POLR1A: variants seen among roughly 807,000 people sequenced by gnomAD.
POLR1A encodes DNA-directed RNA polymerase I subunit RPA1.
POLR1A carries 84 observed loss-of-function variants against 205.3 expected under a neutral mutation model. That is an observed-to-expected ratio of 0.41 (90% confidence interval 0.34 to 0.49). The LOEUF (loss-of-function observed/expected upper bound fraction) is 0.49. Among genes scored for constraint, POLR1A ranks in the 20% least tolerant of loss-of-function variants. The pLI is 0.22. For synonymous variants in POLR1A, 799 were observed against 863.7 expected (o/e 0.93, Z 1.31); for missense variants, 1,645 against 2,204.5 (o/e 0.75, Z 5.08).
intron 13 of POLR1A, 26 bp downstream of exon 13, chr2:86,069,992 C>T (rs368565200): frequency 1.2e-5 from 19 of 1,602,734 alleles, no homozygotes; most frequent in Middle Eastern, 1.7e-4. Flanking sequence ...ACGATGACCA[C>T]GGAACAGCCT....
chr2:86,055,669 G>A (rs1157063627), intron 14 of POLR1A, among the ~76,000 whole-genome samples: 1 of 152,202 alleles, frequency 6.6e-6, no homozygotes, highest in Admixed American at 6.5e-5. Flanking sequence ...CCAAGGGCAG[G>A]GAAATATGAC....
chr2:86,029,673 T>G (rs2104378483), intron 31 of POLR1A, among the ~76,000 whole-genome samples: 2 of 151,120 alleles, frequency 1.3e-5, no homozygotes, highest in South Asian at 4.2e-4. Flanking sequence ...CTTGGTTTAC[T>G]GCAAGCTCCG....
In POLR1A at chr2:86,070,869, G is replaced by C. The variant is rs558491059; in HGVS notation, c.1612-597C>G. Among the ~76,000 whole-genome samples, 2 of 152,138 alleles carry C rather than the reference G, an allele frequency of 1.3e-5. No homozygotes were observed. The highest frequency in any genetic ancestry group is 4.8e-5 in the African/African-American group (2 of 41,504). ...AAATTAAGAGCTGTAAATTGTCATA[G>C]TCTTTTGGGAACAGAGTTTGAAAAT... is the stretch of plus-strand genomic sequence containing the variant. On this transcript the variant is annotated intron_variant, in intron 12 of 33. Coordinates refer to ENST00000263857, the MANE Select transcript of POLR1A (RefSeq NM_015425.6). The surrounding 1 kb of genome is among the most constrained non-coding windows in gnomAD (Gnocchi z 4.4).
chr2:86,074,372 A>G (rs1673240249), intron 12 of POLR1A, among the ~76,000 whole-genome samples: 1 of 152,138 alleles, frequency 6.6e-6, no homozygotes, highest in African/African-American at 2.4e-5. Context: ...TCCAAGTCGA[A>G]TCCATTTCCC....
chr2:86,045,108 C>T (rs1672687278), intron 21 of POLR1A, among the ~76,000 whole-genome samples, 170 bp downstream of exon 21: 1 of 152,228 alleles, frequency 6.6e-6, no homozygotes, highest in South Asian at 2.1e-4. Context: ...CTCTACCGAT[C>T]CTGCGAAGGG....
chr2:86,060,081 C>T (rs1672969016), intron 14 of POLR1A, among the ~76,000 whole-genome samples: 1 of 152,116 alleles, frequency 6.6e-6, no homozygotes, highest in Non-Finnish European at 1.5e-5. Flanking sequence ...CAATCATAAA[C>T]AATTAGAAAA....
chr2:86,064,051 C>T (rs951989417), intron 14 of POLR1A, among the ~76,000 whole-genome samples: 1 of 152,256 alleles, frequency 6.6e-6, no homozygotes, highest in African/African-American at 2.4e-5. Context: ...CCAGAGGCCA[C>T]ATCTTGAATC....
intron 31 of POLR1A, 112 bp downstream of exon 31, chr2:86,030,084 C>A: frequency 1.2e-6 from 1 of 839,900 alleles, no homozygotes; most frequent in Non-Finnish European, 1.9e-6. Context: ...ACAAATGGCT[C>A]AGGAAGGGCC....
chr2:86,065,157 C>T (rs909387811), intron 14 of POLR1A, 117 bp downstream of exon 14: 1 of 949,260 alleles, frequency 1.1e-6, no homozygotes, highest in Non-Finnish European at 1.6e-6. Flanking sequence ...GAAAGTCAGA[C>T]TATTGCTGGC....
Position 86,032,320 on chromosome 2 carries a change from C to T in POLR1A, c.4224G>A (p.Gly1408=), listed in dbSNP as rs2276626. Residue 1408 remains glycine (G), a synonymous_variant, in exon 29 of 34, where the codon GGG becomes GGA. Coordinates refer to ENST00000263857, the MANE Select transcript of POLR1A (RefSeq NM_015425.6). The stretch of plus-strand genomic sequence containing the variant: ...GTTTGGCATCAGAGGCATCGGCGTC[C>T]CCCTCCTCAGCTTCAGCATCCACAA... ...GHIVDAEAEE[G]DADASDAKRK... is the part of the protein sequence containing the mutation. The T allele has an allele frequency of 0.62, 1,004,184 of 1,612,506 alleles. 317,836 individuals are homozygous for T. The highest frequency in any genetic ancestry group is 0.81 in the African/African-American group (60,919 of 74,944).
intron 11 of POLR1A, among the ~76,000 whole-genome samples, chr2:86,076,711 G>A (rs1023019538): frequency 1.3e-5 from 2 of 152,214 alleles, no homozygotes; most frequent in South Asian, 2.1e-4. Context: ...ATCTAAGAAA[G>A]AGAACCCAGC....
chr2:86,055,771 C>T (rs977178557), intron 14 of POLR1A, among the ~76,000 whole-genome samples: 1 of 152,206 alleles, frequency 6.6e-6, no homozygotes, highest in African/African-American at 2.4e-5. Flanking sequence ...AGACTAGGAA[C>T]AGACTGTCAC....
intron 16 of POLR1A, 113 bp from the exon 17 acceptor site, chr2:86,049,355 C>T: frequency 1.4e-6 from 1 of 730,518 alleles, no homozygotes; most frequent in Admixed American, 2.1e-5. Context: ...CAGGAAATAC[C>T]TGAGTAAGGA....
intron 1 of POLR1A, among the ~76,000 whole-genome samples, chr2:86,101,995 C>G (rs1383828888): frequency 6.6e-6 from 1 of 152,112 alleles, no homozygotes; most frequent in Non-Finnish European, 1.5e-5. Context: ...GAACAATATC[C>G]CATTGCATGT....
rs1690204778 is a variant in POLR1A at position 86,023,795 on chromosome 2, A to C, written c.*3628T>G. On this transcript the variant is annotated 3_prime_UTR_variant, in exon 34 of 34. Transcript: ENST00000263857. ...GAGACGGAATCTCACTCTGTCACCC[A>C]GGCTGGAGTGCAGTGGCGCAATCTC... The C allele has an allele frequency of 6.7e-6, 1 of 148,374 alleles. No homozygotes were observed. The highest frequency in any genetic ancestry group is 1.5e-5 in the Non-Finnish European group (1 of 67,454). The allele number at this position is 148,374 out of a possible 1,614,324, so 9.2% of individuals were successfully genotyped here.
At chr2:86,081,549 G>T (rs1022193789) in intron 8 of POLR1A, 52 bp downstream of exon 8, 2 of 1,188,232 alleles carry the variant, frequency 1.7e-6, no homozygotes, top group African/African-American at 1.5e-5. Context: ...TCACATTTCA[G>T]TTCCTTAGTA....
At chr2:86,083,007 T>A (rs1673433513) in intron 7 of POLR1A, 75 bp downstream of exon 7, 1 of 1,098,652 alleles carries the variant, frequency 9.1e-7, no homozygotes, top group Non-Finnish European at 1.4e-6. Flanking sequence ...AAAGAAGTAA[T>A]AAGGCAGGGT....
At chr2:86,098,568 A>G (rs1673751360) in intron 3 of POLR1A, 43 bp downstream of exon 3, 1 of 1,602,404 alleles carries the variant, frequency 6.2e-7, no homozygotes, top group South Asian at 1.1e-5. Context: ...TCCCCACACC[A>G]CTTTGCCTTT....
Position 86,100,085 on chromosome 2 carries a change from C to G in POLR1A, c.165G>C (p.Leu55Phe). The G allele has an allele frequency of 6.2e-7, 1 of 1,614,176 alleles. No homozygotes were observed. The highest frequency in any genetic ancestry group is 1.1e-5 in the South Asian group (1 of 91,076). The change falls in exon 2 of 34, where the codon TTG becomes TTC. Residue 55 changes from leucine (L) to phenylalanine (F), a missense_variant. This residue lies in a region of POLR1A where 330 missense variants were observed against 375.6 expected (regional missense o/e 0.88). Transcript: ENST00000263857. The stretch of plus-strand genomic sequence containing the variant: ...ACACCTCTTTGGAATCTGCAGGGCC[C>G]AAAGCTAAATCGTACAGGCCGTTTG... Reference protein sequence around the residue: ...PSANGLYDLALGPADSKEVCS... With the variant: ...PSANGLYDLAFGPADSKEVCS...
Sources: gnomAD v4.1 joint callset for allele counts (sites outside exome capture counted in the v4.1 genomes callset) on GRCh38, gnomAD v4.1.1 for gene constraint, gnomAD v4.1.1 regional missense constraint, Gnocchi (gnomAD v3.1) non-coding constraint, MANE v1.5 for transcripts, NCBI Gene and HGNC (gene_info 2026-07-23, HGNC 2026-07-21) for gene names.